The following PCDHGB2 variants were observed in gnomAD, a reference collection of about 807,000 sequenced individuals.
The protein encoded by PCDHGB2 is protocadherin gamma-B2.
In PCDHGB2, 55 loss-of-function variants were observed where a neutral mutation model predicts 59.3. That is an observed-to-expected ratio of 0.93 (90% CI 0.75 to 1.16). The LOEUF is 1.16. Ranked by LOEUF, PCDHGB2 falls within the 50% of genes most tolerant of loss-of-function variation. The pLI, the probability that PCDHGB2 is intolerant of heterozygous loss-of-function variation, is 0.00. For synonymous variants in PCDHGB2, 516 were observed against 512.0 expected, an observed-to-expected ratio of 1.01 and a Z score of -0.11; for missense variants, 1,228 against 1,198.5, an observed-to-expected ratio of 1.02 and a Z score of -0.36.
At chr5:141,402,976 G>C in intron 1 of PCDHGB2, 5 of 1,608,120 alleles carry the variant, frequency 3.1e-6, no homozygotes, top group Non-Finnish European at 4.2e-6. Context: ...CCAAATGCCA[G>C]CTCCGCGGAA....
intron 1 of PCDHGB2, among the ~76,000 whole-genome samples, chr5:141,369,320 G>T (rs775938147): frequency 6.6e-6 from 1 of 152,104 alleles, no homozygotes. Flanking sequence ...TACTTGAGAA[G>T]AAACAGTACA....
intron 1 of PCDHGB2, chr5:141,366,387 A>T: frequency 6.2e-7 from 1 of 1,614,088 alleles, no homozygotes. Flanking sequence ...GACCCTGAGG[A>T]TCTGGACCTC....
At chr5:141,371,823 T>A in intron 1 of PCDHGB2, 2 of 1,613,832 alleles carry the variant, frequency 1.2e-6, no homozygotes, top group South Asian at 2.2e-5. Flanking sequence ...TGTCAGAGCC[T>A]CGGATCCCGA....
In PCDHGB2 at chr5:141,361,700, A is replaced by C; in HGVS notation, c.1565A>C (p.His522Pro). The C allele has an allele frequency of 3.1e-6, 5 of 1,613,456 alleles. No individual in the cohort carries two copies. Among genetic ancestry groups the C allele is most frequent in the Non-Finnish European group, 4.2e-6 (5 of 1,179,872 alleles). Residue 522 changes from histidine to proline, a missense_variant, in exon 1 of 4, where the codon CAT (histidine) becomes CCT (proline). His to Pro is a moderately conservative substitution (Grantham distance 77). This residue lies in a region of PCDHGB2 where 781 missense variants were observed against 721.6 expected (regional missense o/e 1.08). Transcript: ENST00000522605. ...GVVFAQRAFD[H>P]EQLRAFELTL... is the part of the protein sequence containing the mutation. ...GTGTTCGCGCAGCGCGCCTTCGATCATGAGCAGCTGCGCGCCTTCGAGCTC... is the reference window on the plus strand; with the variant it reads ...GTGTTCGCGCAGCGCGCCTTCGATCCTGAGCAGCTGCGCGCCTTCGAGCTC...
intron 1 of PCDHGB2, chr5:141,433,267 C>T (rs1462399366): frequency 7.7e-7 from 1 of 1,305,096 alleles, no homozygotes; most frequent in Non-Finnish European, 1.1e-6. Context: ...GATCATAGCT[C>T]ACTGCAGCCT....
At chr5:141,444,056 A>G (rs1055292734) in intron 1 of PCDHGB2, among the ~76,000 whole-genome samples, 7 of 151,740 alleles carry the variant, frequency 4.6e-5, no homozygotes, top group Non-Finnish European at 7.4e-5. Context: ...GGCATCTTCA[A>G]TCTAGATTCT....
chr5:141,367,991 T>C (rs941036288), intron 1 of PCDHGB2, among the ~76,000 whole-genome samples: 16 of 152,230 alleles, frequency 1.1e-4, no homozygotes, highest in Admixed American at 1.0e-3. Context: ...TTAATAGATT[T>C]GTCTTAATGA....
chr5:141,375,096 T>C lies in PCDHGB2; in HGVS notation c.2421+12540T>C, dbSNP rs764268392. 1.9e-5 allele frequency: 30 copies of C among 1,613,836 alleles called. No homozygotes were observed. The highest frequency in any genetic ancestry group is 2.5e-5 in the Non-Finnish European group (29 of 1,179,900). ...AGAGCGAAAGTCTTAATAACTATCT[T>C]GGATGTCAATGATAATGTACCAGAA... is the stretch of plus-strand genomic sequence containing the variant. On this transcript the variant is annotated intron_variant, in intron 1 of 3. Coordinates refer to ENST00000522605, the MANE Select transcript of PCDHGB2 (RefSeq NM_018923.3).
chr5:141,388,773 G>C, intron 1 of PCDHGB2: 4 of 1,613,808 alleles, frequency 2.5e-6, no homozygotes, highest in Non-Finnish European at 3.4e-6. Context: ...CTCTAACACC[G>C]GGGAAATTAC....
Position 141,371,494 on chromosome 5 carries a change from C to A in PCDHGB2, c.2421+8938C>A, listed in dbSNP as rs535024997. ...GATGCTGAGCTGGGGACTGCCGTTG[C>A]CCTGATCAAAACACATGATCTAGAT... On this transcript the variant is annotated intron_variant, in intron 1 of 3. Transcript: ENST00000522605. 20 of 1,613,888 alleles carry A rather than the reference C, an allele frequency of 1.2e-5. No individual in the cohort carries two copies. In the South Asian group the frequency reaches 1.9e-4, roughly 15 times the overall value.
rs1433790348 is a variant in PCDHGB2, at chr5:141,431,831, G to A, written c.2422-62976G>A. The A allele has an allele frequency of 1.2e-6, 2 of 1,614,110 alleles. No homozygotes were observed. The highest frequency in any genetic ancestry group is 1.7e-6 in the Non-Finnish European group (2 of 1,180,040). On this transcript the variant is annotated intron_variant, in intron 1 of 3. Transcript: ENST00000522605. The surrounding 1 kb of genome is among the most constrained non-coding windows in gnomAD (Gnocchi z 4.8). Reference sequence around the variant, plus strand: ...CACCTCTCTCGCCAGCTCGGTTCCCGAAAACTCTCCCAGAGGGACATTAAT... The same window carrying A: ...CACCTCTCTCGCCAGCTCGGTTCCCAAAAACTCTCCCAGAGGGACATTAAT...
At position 141,432,707 on chromosome 5, in the gene PCDHGB2, G is replaced by A. The variant is rs750859951; in HGVS notation, c.2422-62100G>A. ...CCTCGTAGTGGCCGTCCAGGACCAC[G>A]GCCAGCCCCCTCTCTCCGCCACTGT... On this transcript the variant is annotated intron_variant, in intron 1 of 3. Coordinates refer to ENST00000522605, the MANE Select transcript of PCDHGB2 (RefSeq NM_018923.3). The surrounding 1 kb of genome is among the most constrained non-coding windows in gnomAD (Gnocchi z 6.0). 5 of 1,613,988 alleles carry A rather than the reference G, an allele frequency of 3.1e-6. No individual in the cohort carries two copies. Among genetic ancestry groups the A allele is most frequent in the Non-Finnish European group, 4.2e-6 (5 of 1,179,970 alleles).
chr5:141,370,473 C>T (rs1248894639), intron 1 of PCDHGB2: 2 of 1,613,496 alleles, frequency 1.2e-6, no homozygotes, highest in Non-Finnish European at 1.7e-6. Flanking sequence ...TTTGTTAGAC[C>T]AGGCTCTCTC....
chr5:141,418,264 A>C, intron 1 of PCDHGB2: 1 of 1,614,082 alleles, frequency 6.2e-7, no homozygotes, highest in Non-Finnish European at 8.5e-7. Flanking sequence ...AATTCCGGAA[A>C]GATGAAATAA....
intron 1 of PCDHGB2, among the ~76,000 whole-genome samples, chr5:141,381,816 CT>C (rs747432194): frequency 4.2e-4 from 52 of 122,544 alleles, no homozygotes; most frequent in Admixed American, 1.7e-3. Flanking sequence ...TTCTTTCTTT[CT>C]TTCTTCTTCT....
At chr5:141,408,202 G>C (rs778320550) in intron 1 of PCDHGB2, 8 of 1,549,950 alleles carry the variant, frequency 5.2e-6, no homozygotes, top group South Asian at 3.6e-5. Context: ...CCGAGCGAAC[G>C]ATGGGAGGGA....
At chr5:141,506,241 G>C (rs2237081) in intron 3 of PCDHGB2, among the ~76,000 whole-genome samples, 78,081 of 151,504 alleles carry the variant, frequency 0.52, 20,775 homozygotes, top group African/African-American at 0.63. Context: ...ATGAGGTCAG[G>C]AGTTCGAAAC....
At chr5:141,447,636 T>C (rs772671166) in intron 1 of PCDHGB2, among the ~76,000 whole-genome samples, 49 of 152,136 alleles carry the variant, frequency 3.2e-4, no homozygotes, top group Non-Finnish European at 5.3e-4. Context: ...ACAGTATGAA[T>C]GATGGTAGAA....
Position 141,431,222 on chromosome 5 carries a change from C to A in PCDHGB2, c.2422-63585C>A. On this transcript the variant is annotated intron_variant, in intron 1 of 3. Transcript: ENST00000522605. The surrounding 1 kb of genome is among the most constrained non-coding windows in gnomAD (Gnocchi z 4.8). ...AGCCACTGAGATGCGGTTCCCTCTA[C>A]CCCACGCCTGGGATCCGGATATCGG... 3 of 1,614,170 alleles carry A rather than the reference C, an allele frequency of 1.9e-6. No individual in the cohort carries two copies. The highest frequency in any genetic ancestry group is 2.5e-6 in the Non-Finnish European group (3 of 1,180,034).
Sources: allele counts gnomAD v4.1 joint callset (sites outside exome capture counted in the v4.1 genomes callset), GRCh38; gene constraint gnomAD v4.1.1; regional missense constraint gnomAD v4.1.1; non-coding constraint Gnocchi (gnomAD v3.1); transcripts MANE v1.5; gene names NCBI Gene and HGNC (gene_info 2026-07-23, HGNC 2026-07-21).